The following OSBPL1A variants were observed in gnomAD, a reference collection of about 807,000 sequenced individuals.
OSBPL1A encodes the protein oxysterol-binding protein-related protein 1.
A neutral mutation model predicts 137.1 loss-of-function variants in OSBPL1A; 80 were observed. The observed-to-expected ratio is 0.58, with a 90% CI of 0.49 to 0.70. OSBPL1A has a LOEUF of 0.70. OSBPL1A is among the 30% of genes least tolerant of loss of function. The pLI, the probability that OSBPL1A is intolerant of heterozygous loss-of-function variation, is 0.00. For missense variants in OSBPL1A, 970 were observed against 1,129.4 expected (o/e 0.86, Z 2.02); for synonymous variants, 365 against 389.7 (o/e 0.94, Z 0.75).
At chr18:24,186,001 A>G (rs564383520) in intron 18 of OSBPL1A, among the ~76,000 whole-genome samples, 1 of 152,266 alleles carries the variant, frequency 6.6e-6, no homozygotes, top group South Asian at 2.1e-4. Flanking sequence ...TCAGGAGATC[A>G]AGGCTATAGT....
intron 7 of OSBPL1A, among the ~76,000 whole-genome samples, chr18:24,319,415 C>T (rs182256766): frequency 2.0e-5 from 3 of 152,246 alleles, no homozygotes; most frequent in South Asian, 2.1e-4. Context: ...ACTCTTTAGC[C>T]GACCACAGCC....
intron 24 of OSBPL1A, among the ~76,000 whole-genome samples, chr18:24,168,845 A>T (rs1567914454): frequency 6.6e-6 from 1 of 152,314 alleles, no homozygotes; most frequent in East Asian, 1.9e-4. Context: ...AAAAAAAAAT[A>T]CTTTTCACAG....
intron 15 of OSBPL1A, among the ~76,000 whole-genome samples, chr18:24,266,905 A>G (rs2089590832): frequency 6.6e-6 from 1 of 152,142 alleles, no homozygotes; most frequent in Admixed American, 6.5e-5. Flanking sequence ...TAAATGTTCT[A>G]AAGAAAAAAA....
chr18:24,245,185 C>T (rs2088846551), intron 15 of OSBPL1A, among the ~76,000 whole-genome samples: 1 of 152,092 alleles, frequency 6.6e-6, no homozygotes. Context: ...TCAAACAATC[C>T]TCTTGACTCA....
chr18:24,168,231 A>G (rs2086189571), intron 24 of OSBPL1A, among the ~76,000 whole-genome samples: 1 of 152,108 alleles, frequency 6.6e-6, no homozygotes, highest in Non-Finnish European at 1.5e-5. Context: ...CTCCCAAAGC[A>G]TCATTTGAGT....
chr18:24,334,869 C>T (rs2091146451), intron 5 of OSBPL1A, among the ~76,000 whole-genome samples: 1 of 152,202 alleles, frequency 6.6e-6, no homozygotes. Flanking sequence ...TCCTTTGCAG[C>T]CTCTGCACAG....
At position 24,167,328 on chromosome 18, in the gene OSBPL1A, C is replaced by G; in HGVS notation, c.2535+1G>C. Reference sequence around the variant, plus strand: ...GCCACAGCCAGCAAGCCCAGTCTCACCTGGGCAGAATTTGGAGGCCGTGGG... The same window carrying G: ...GCCACAGCCAGCAAGCCCAGTCTCAGCTGGGCAGAATTTGGAGGCCGTGGG... On this transcript the variant is annotated splice_donor_variant, in intron 25 of 27. Transcript: ENST00000319481. LOFTEE classifies it high-confidence loss of function. 1.2e-6 allele frequency: 2 copies of G among 1,611,820 alleles called. No individual in the cohort carries two copies. The highest frequency in any genetic ancestry group is 1.7e-6 in the Non-Finnish European group (2 of 1,177,866).
rs143989367 is a variant in OSBPL1A, at chr18:24,363,736, G to A, written c.282+3156C>T. On this transcript the variant is annotated intron_variant, in intron 4 of 27. Coordinates refer to ENST00000319481, the MANE Select transcript of OSBPL1A (RefSeq NM_080597.4). ...GGCTCACTTCAGCCTCGACCTCCCC[G>A]GCTCAAGTGATCCTCCAACCTCAGC... is the stretch of plus-strand genomic sequence containing the variant. Among the ~76,000 whole-genome samples, 1,178 of 151,720 alleles carry A rather than the reference G, an allele frequency of 7.8e-3. 12 individuals carry two copies. Among genetic ancestry groups the A allele is most frequent in the African/African-American group, 0.021 (850 of 41,344 alleles).
At chr18:24,248,447 G>C (rs766371465) in intron 15 of OSBPL1A, among the ~76,000 whole-genome samples, 1 of 152,128 alleles carries the variant, frequency 6.6e-6, no homozygotes, top group African/African-American at 2.4e-5. Flanking sequence ...TTTCTTACAG[G>C]CATTGCCATC....
In OSBPL1A at chr18:24,179,720, G is replaced by A. The variant is rs766562732; in HGVS notation, c.1910+18C>T. On this transcript the variant is annotated intron_variant, in intron 20 of 27. Coordinates refer to ENST00000319481, the MANE Select transcript of OSBPL1A (RefSeq NM_080597.4). ...TCATCTGCAACGCTGTATAAAGCATGCAAGTGAAAGGCCTCACCGCACTAA... is the reference window on the plus strand; with the variant it reads ...TCATCTGCAACGCTGTATAAAGCATACAAGTGAAAGGCCTCACCGCACTAA... 6.3e-7 allele frequency: 1 copy of A among 1,599,320 alleles called. No individual in the cohort carries two copies.
At chr18:24,320,322 C>A (rs1272186889) in intron 7 of OSBPL1A, among the ~76,000 whole-genome samples, 1 of 152,110 alleles carries the variant, frequency 6.6e-6, no homozygotes, top group Non-Finnish European at 1.5e-5. Flanking sequence ...CTTAAAGATA[C>A]AGCAGACAAT....
chr18:24,173,640 T>C (rs2086352306), intron 21 of OSBPL1A, among the ~76,000 whole-genome samples: 1 of 152,218 alleles, frequency 6.6e-6, no homozygotes, highest in Non-Finnish European at 1.5e-5. Context: ...CTCGAACTCC[T>C]GACCTCAGGT....
At chr18:24,197,936 GC>G (rs963029684) in intron 17 of OSBPL1A, among the ~76,000 whole-genome samples, 5 of 151,862 alleles carry the variant, frequency 3.3e-5, no homozygotes, top group Non-Finnish European at 7.4e-5. Context: ...TCAGGTGCCT[GC>G]CACCATGCCC....
rs936150972 is a variant in OSBPL1A at position 24,353,765 on chromosome 18, G to T, written c.283-12107C>A. 6.7e-4 allele frequency among the ~76,000 whole-genome samples: 102 copies of T among 152,100 alleles called. 1 individual carries two copies. Among genetic ancestry groups the T allele is most frequent in the South Asian group, 5.8e-3 (28 of 4,818 alleles). On this transcript the variant is annotated intron_variant, in intron 4 of 27. Coordinates refer to ENST00000319481, the MANE Select transcript of OSBPL1A (RefSeq NM_080597.4). ...AAAAAATGATGAGTTCATGTCCTTCGTAGGGACATGGATGAAGCTGGAAAC... is the reference window on the plus strand; with the variant it reads ...AAAAAATGATGAGTTCATGTCCTTCTTAGGGACATGGATGAAGCTGGAAAC...
At chr18:24,234,359 AAT>A (rs1212168391) in intron 16 of OSBPL1A, among the ~76,000 whole-genome samples, 1 of 152,160 alleles carries the variant, frequency 6.6e-6, no homozygotes, top group Non-Finnish European at 1.5e-5. Context: ...CCACACACGC[AAT>A]GAGGACAAAA....
chr18:24,372,543 C>G (rs1290334308), intron 2 of OSBPL1A, among the ~76,000 whole-genome samples: 1 of 152,212 alleles, frequency 6.6e-6, no homozygotes, highest in Non-Finnish European at 1.5e-5. Flanking sequence ...CATTCCCCTC[C>G]TCACTCAACA....
intron 15 of OSBPL1A, among the ~76,000 whole-genome samples, chr18:24,274,361 G>A (rs1375484657): frequency 6.6e-6 from 1 of 152,118 alleles, no homozygotes; most frequent in African/African-American, 2.4e-5. Context: ...TGAGTTGAAT[G>A]GATAACTCAG....
At chr18:24,248,649 C>A (rs931905025) in intron 15 of OSBPL1A, among the ~76,000 whole-genome samples, 2 of 152,168 alleles carry the variant, frequency 1.3e-5, no homozygotes, top group African/African-American at 4.8e-5. Context: ...TCTGTTAGAT[C>A]GATTACTTCC....
At chr18:24,199,006 C>T (rs975114499) in intron 17 of OSBPL1A, among the ~76,000 whole-genome samples, 5 of 151,718 alleles carry the variant, frequency 3.3e-5, no homozygotes, top group Admixed American at 1.3e-4. Flanking sequence ...TACAGGTACC[C>T]GCCACCATGC....
Sources: gnomAD v4.1 joint callset for allele counts (sites outside exome capture counted in the v4.1 genomes callset) on GRCh38, gnomAD v4.1.1 for gene constraint, MANE v1.5 for transcripts, NCBI Gene and HGNC (gene_info 2026-07-23, HGNC 2026-07-21) for gene names.